Variants in CAST observed in about 807,000 individuals in gnomAD.
The protein encoded by CAST is calpastatin, also known as MIR583 host.
In CAST, 76 loss-of-function variants were observed where a neutral mutation model predicts 119.6. The ratio of observed to expected loss-of-function variants is 0.64; its 90% confidence interval spans 0.53 to 0.77. The LOEUF is 0.77. CAST is among the 30% of genes least tolerant of loss of function. The pLI, the probability that CAST is intolerant of heterozygous loss-of-function variation, is 0.00. For missense variants in CAST, 953 were observed against 946.5 expected, an observed-to-expected ratio of 1.01 and a Z score of -0.09; for synonymous variants, 319 against 331.6, an observed-to-expected ratio of 0.96 and a Z score of 0.41.
intron 1 of CAST, among the ~76,000 whole-genome samples, chr5:96,656,191 GA>G (rs1245741127): frequency 2.0e-5 from 3 of 152,084 alleles, no homozygotes; most frequent in Admixed American, 1.3e-4. Flanking sequence ...GGACCACGGG[GA>G]AAAAAAGTTT....
At chr5:96,704,221 G>A (rs1010674254) in intron 3 of CAST, among the ~76,000 whole-genome samples, 5 of 152,364 alleles carry the variant, frequency 3.3e-5, no homozygotes, top group African/African-American at 1.2e-4. Context: ...GCACATTCAA[G>A]TATAAATATT....
chr5:96,297,948 G>A, the CAST span, among the ~76,000 whole-genome samples: 1 of 152,086 alleles, frequency 6.6e-6, no homozygotes, highest in Non-Finnish European at 1.5e-5. Flanking sequence ...GTGAATGTGC[G>A]GGTGCTCTCA....
At chr5:96,009,016 C>A in the CAST span, among the ~76,000 whole-genome samples, 2 of 152,096 alleles carry the variant, frequency 1.3e-5, no homozygotes, top group African/African-American at 4.8e-5. Context: ...TGATTATGTC[C>A]ATGTGTGCTC....
chr5:96,109,087 G>A, the CAST span, among the ~76,000 whole-genome samples: 23 of 152,294 alleles, frequency 1.5e-4, no homozygotes, highest in East Asian at 3.5e-3. Flanking sequence ...TTCGGCTTGC[G>A]CACGGTGCGT....
the CAST span, among the ~76,000 whole-genome samples, chr5:96,084,868 G>A: frequency 6.6e-6 from 1 of 152,146 alleles, no homozygotes; most frequent in Non-Finnish European, 1.5e-5. Context: ...AAATCAGAGT[G>A]CTATTCCCAG....
intron 2 of CAST, 83 bp downstream of exon 2, chr5:96,675,684 C>A: frequency 2.0e-6 from 2 of 1,010,828 alleles, no homozygotes; most frequent in Non-Finnish European, 1.5e-6. Flanking sequence ...AACGATGTAG[C>A]AAAGAGCTTC....
At chr5:96,383,158 G>GGCT in the CAST span, among the ~76,000 whole-genome samples, 1 of 152,126 alleles carries the variant, frequency 6.6e-6, no homozygotes, top group Non-Finnish European at 1.5e-5. Flanking sequence ...TTCTGACTTA[G>GGCT]GCTGCTATTA....
chr5:96,561,796 G>GGTTTTTTTTT (rs1746370367), intron 1 of CAST, among the ~76,000 whole-genome samples: 8 of 97,402 alleles, frequency 8.2e-5, no homozygotes, highest in South Asian at 4.3e-4. Context: ...GTTTTTTTTT[G>GGTTTTTTTTT]TTTTTTTTTT....
intron 1 of CAST, among the ~76,000 whole-genome samples, chr5:96,578,633 G>T (rs1167556446): frequency 6.6e-6 from 1 of 152,046 alleles, no homozygotes; most frequent in East Asian, 1.9e-4. Context: ...GCAATTTATT[G>T]TTGAAACATT....
At chr5:96,186,573 AT>A in the CAST span, among the ~76,000 whole-genome samples, 3 of 152,268 alleles carry the variant, frequency 2.0e-5, no homozygotes, top group East Asian at 3.9e-4. Context: ...GTTGAATTTT[AT>A]CAAAAGCTTT....
the CAST span, among the ~76,000 whole-genome samples, chr5:96,279,260 C>A: frequency 6.6e-6 from 1 of 152,118 alleles, no homozygotes; most frequent in Non-Finnish European, 1.5e-5. Context: ...AGTCCAGAGA[C>A]TTGAGGCCCA....
At chr5:96,450,708 A>G in the CAST span, among the ~76,000 whole-genome samples, 1 of 152,168 alleles carries the variant, frequency 6.6e-6, no homozygotes, top group Non-Finnish European at 1.5e-5. Context: ...AATGCTGACA[A>G]ATTTTTTGTT....
At chr5:96,671,777 C>G (rs569728798) in intron 1 of CAST, among the ~76,000 whole-genome samples, 1 of 152,372 alleles carries the variant, frequency 6.6e-6, no homozygotes, top group African/African-American at 2.4e-5. Flanking sequence ...CCAGCAGTTA[C>G]ACGTAGTAGT....
At chr5:96,114,304 A>G in the CAST span, among the ~76,000 whole-genome samples, 1 of 152,164 alleles carries the variant, frequency 6.6e-6, no homozygotes, top group African/African-American at 2.4e-5. Flanking sequence ...CACCTGGCAG[A>G]ATTCAGTCCT....
chr5:96,161,620 T>C, the CAST span, among the ~76,000 whole-genome samples: 16 of 152,314 alleles, frequency 1.1e-4, no homozygotes, highest in African/African-American at 3.8e-4. Context: ...CATTTCCATA[T>C]GAATTTAGGA....
the CAST span, among the ~76,000 whole-genome samples, chr5:96,458,785 T>C: frequency 5.9e-5 from 9 of 152,138 alleles, no homozygotes; most frequent in Non-Finnish European, 1.3e-4. Context: ...TTAGTATTAT[T>C]AATTACTTCA....
intron 1 of CAST, among the ~76,000 whole-genome samples, chr5:96,627,216 C>A (rs935932281): frequency 6.6e-6 from 1 of 152,184 alleles, no homozygotes; most frequent in Non-Finnish European, 1.5e-5. Context: ...CTAGTTACTT[C>A]GTACCTCTTA....
the CAST span, among the ~76,000 whole-genome samples, chr5:96,260,292 A>G: frequency 1.3e-5 from 2 of 152,224 alleles, no homozygotes; most frequent in African/African-American, 4.8e-5. Flanking sequence ...GGTCTAGAGA[A>G]TCATGAGGCA....
rs771417971 is a variant in CAST at position 96,741,621 on chromosome 5, C to A, written c.1098+41C>A. ...ACCTGACAGCAGTTGCTTTCCAGAG[C>A]CTGATCTAGCTCATTCAGGAAACTG... On this transcript the variant is annotated intron_variant, in intron 15 of 31. Transcript: ENST00000675179. 3 of 1,328,770 alleles carry A rather than the reference C, an allele frequency of 2.3e-6. No homozygotes were observed. The South Asian group carries it at 3.6e-5, about 16-fold the overall frequency. The allele number at this position is 1,328,770 out of a possible 1,614,324, so 82.3% of individuals were successfully genotyped here.
Sources: allele counts gnomAD v4.1 joint callset (sites outside exome capture counted in the v4.1 genomes callset), GRCh38; gene constraint gnomAD v4.1.1; transcripts MANE v1.5; gene names NCBI Gene and HGNC (gene_info 2026-07-23, HGNC 2026-07-21).